Variants in PTPRK observed in about 807,000 individuals in gnomAD.
PTPRK encodes the protein receptor-type tyrosine-protein phosphatase kappa.
A neutral mutation model predicts 178.0 loss-of-function variants in PTPRK; 75 were observed. The ratio of observed to expected loss-of-function variants is 0.42; its 90% confidence interval spans 0.35 to 0.51. The LOEUF (loss-of-function observed/expected upper bound fraction) is 0.51, where lower values mean the gene tolerates loss of function less well. Among genes scored for constraint, PTPRK ranks in the 20% least tolerant of loss-of-function variants. The pLI is 0.02. For missense variants in PTPRK, 1,441 were observed against 1,797.8 expected, an observed-to-expected ratio of 0.80 and a Z score of 3.59; for synonymous variants, 637 against 620.6, an observed-to-expected ratio of 1.03 and a Z score of -0.39.
chr6:128,293,699 G>T (rs1823783120), intron 3 of PTPRK, among the ~76,000 whole-genome samples: 1 of 152,026 alleles, frequency 6.6e-6, no homozygotes, highest in Admixed American at 6.6e-5. Context: ...AAACCAATAT[G>T]CCTGATCAAA....
At chr6:127,981,907 A>C (rs539899226) in intron 24 of PTPRK, among the ~76,000 whole-genome samples, 1 of 152,114 alleles carries the variant, frequency 6.6e-6, no homozygotes, top group Non-Finnish European at 1.5e-5. Flanking sequence ...GGCTCACCAC[A>C]GCCTTCCAGG....
chr6:128,381,189 T>C (rs747298822), intron 2 of PTPRK, among the ~76,000 whole-genome samples: 19 of 152,278 alleles, frequency 1.2e-4, no homozygotes, highest in East Asian at 5.8e-4. Context: ...GTGTATTTCA[T>C]TAGAAAATTT....
intron 2 of PTPRK, among the ~76,000 whole-genome samples, chr6:128,397,122 T>C (rs1419847791): frequency 6.6e-6 from 1 of 152,210 alleles, no homozygotes. Flanking sequence ...GGCATGCTCA[T>C]GACCACTGGG....
At chr6:127,976,805 G>GA (rs5879870) in intron 26 of PTPRK, 23 bp from the exon 27 acceptor site, 21,847 of 1,040,814 alleles carry the variant, frequency 0.021, no homozygotes, top group South Asian at 0.033. Context: ...CGTTTTGAAA[G>GA]AAAAAAAAAA....
intron 6 of PTPRK, among the ~76,000 whole-genome samples, chr6:128,192,049 T>C (rs953367196): frequency 3.9e-5 from 6 of 152,154 alleles, no homozygotes; most frequent in Admixed American, 6.5e-5. Context: ...AATTTATGTA[T>C]CAAGAAATAG....
chr6:128,170,609 C>T (rs1448782898), intron 7 of PTPRK, among the ~76,000 whole-genome samples: 1 of 151,986 alleles, frequency 6.6e-6, no homozygotes, highest in Non-Finnish European at 1.5e-5. Flanking sequence ...GGAGCTAGCA[C>T]TGAGAATTCA....
At chr6:128,477,406 T>G (rs1038410297) in intron 1 of PTPRK, among the ~76,000 whole-genome samples, 1 of 150,782 alleles carries the variant, frequency 6.6e-6, no homozygotes, top group African/African-American at 2.4e-5. Context: ...ATTTTCATGG[T>G]TGCATTCAAC....
At chr6:128,413,462 G>A (rs533812327) in intron 1 of PTPRK, among the ~76,000 whole-genome samples, 5 of 152,142 alleles carry the variant, frequency 3.3e-5, no homozygotes, top group East Asian at 1.9e-4. Flanking sequence ...CCCAGTATAG[G>A]AATGTCCTCT....
intron 11 of PTPRK, among the ~76,000 whole-genome samples, chr6:128,072,866 G>T (rs924891124): frequency 1.3e-5 from 2 of 151,940 alleles, no homozygotes; most frequent in Non-Finnish European, 2.9e-5. Flanking sequence ...CAATCACAGG[G>T]ATGCATGTTT....
chr6:128,400,156 A>G (rs954123581), intron 1 of PTPRK, among the ~76,000 whole-genome samples: 1 of 152,120 alleles, frequency 6.6e-6, no homozygotes, highest in South Asian at 2.1e-4. Context: ...AATAAATACA[A>G]TGTGTTATGC....
At chr6:128,217,903 A>C (rs1809641893) in intron 6 of PTPRK, among the ~76,000 whole-genome samples, 1 of 152,202 alleles carries the variant, frequency 6.6e-6, no homozygotes, top group African/African-American at 2.4e-5. Flanking sequence ...GAAGAGACTT[A>C]AACAGGTTAC....
rs1018993584 is a variant in PTPRK, at chr6:127,973,219, A to G, written c.4134-62T>C. 3.2e-6 allele frequency: 5 copies of G among 1,586,792 alleles called. No individual in the cohort carries two copies. In the African/African-American group the frequency reaches 5.4e-5, roughly 17 times the overall value. The stretch of plus-strand genomic sequence containing the variant: ...GCACCAAGTGACCACAGGTCACACC[A>G]TCATATATGTTTGGGAAAATAAGAC... On this transcript the variant is annotated intron_variant, in intron 28 of 29. Coordinates refer to ENST00000368226, the MANE Select transcript of PTPRK (RefSeq NM_002844.4).
At chr6:128,072,736 T>C (rs932228336) in intron 11 of PTPRK, among the ~76,000 whole-genome samples, 1 of 152,054 alleles carries the variant, frequency 6.6e-6, no homozygotes, top group African/African-American at 2.4e-5. Flanking sequence ...GTCTAGTTTT[T>C]CTACTTCTGC....
intron 1 of PTPRK, among the ~76,000 whole-genome samples, chr6:128,438,936 A>G (rs1845950125): frequency 6.6e-6 from 1 of 152,182 alleles, no homozygotes; most frequent in Non-Finnish European, 1.5e-5. Context: ...GAAAAAAAAA[A>G]TGACCATATA....
chr6:128,278,123 T>TTTTATA (rs1821032924), intron 3 of PTPRK, among the ~76,000 whole-genome samples: 1 of 143,658 alleles, frequency 7.0e-6, no homozygotes, highest in East Asian at 2.1e-4. Context: ...TTTTTGTGTT[T>TTTTATA]TTTATTTATT....
At chr6:128,004,295 A>C (rs192175188) in intron 15 of PTPRK, among the ~76,000 whole-genome samples, 18 of 151,960 alleles carry the variant, frequency 1.2e-4, no homozygotes, top group Admixed American at 9.9e-4. Flanking sequence ...AAAGTTAGGC[A>C]ATTTCACTTA....
At chr6:128,296,468 C>G (rs1343613856) in intron 3 of PTPRK, among the ~76,000 whole-genome samples, 1 of 152,072 alleles carries the variant, frequency 6.6e-6, no homozygotes, top group Non-Finnish European at 1.5e-5. Context: ...TAAGGGCAGC[C>G]ATAGAGAAAG....
chr6:128,471,624 A>C (rs1850673301), intron 1 of PTPRK, among the ~76,000 whole-genome samples: 1 of 150,642 alleles, frequency 6.6e-6, no homozygotes. Context: ...AAAAAAAAAA[A>C]AACTCACAAC....
chr6:128,343,045 A>T (rs1346451440), intron 2 of PTPRK, among the ~76,000 whole-genome samples: 2 of 152,212 alleles, frequency 1.3e-5, no homozygotes, highest in Non-Finnish European at 2.9e-5. Context: ...GAAAAAGTAC[A>T]GCTACCAAAA....
Sources: gnomAD v4.1 joint callset for allele counts (sites outside exome capture counted in the v4.1 genomes callset) on GRCh38, gnomAD v4.1.1 for gene constraint, MANE v1.5 for transcripts, NCBI Gene and HGNC (gene_info 2026-07-23, HGNC 2026-07-21) for gene names.